The following MECOM variants were observed in gnomAD, a reference collection of about 807,000 sequenced individuals.
The protein encoded by MECOM is histone-lysine N-methyltransferase MECOM.
In MECOM, 13 loss-of-function variants were observed where a neutral mutation model predicts 116.3. That is an observed-to-expected ratio of 0.11 (90% confidence interval 0.07 to 0.18). The LOEUF (loss-of-function observed/expected upper bound fraction) is 0.18, where lower values mean the gene tolerates loss of function less well. Ranked by LOEUF, MECOM falls within the 10% of genes least tolerant of loss-of-function variation. The pLI is 1.00. For synonymous variants in MECOM, 528 were observed against 535.2 expected, an observed-to-expected ratio of 0.99 and a Z score of 0.19; for missense variants, 1,299 against 1,509.0, an observed-to-expected ratio of 0.86 and a Z score of 2.31.
chr3:169,616,275 T>A (rs1220809238), intron 1 of MECOM, among the ~76,000 whole-genome samples: 1 of 152,106 alleles, frequency 6.6e-6, no homozygotes. Flanking sequence ...CTCACGAAGT[T>A]TGGGGAAGAA....
intron 1 of MECOM, among the ~76,000 whole-genome samples, chr3:169,659,461 T>A (rs1775978389): frequency 7.7e-6 from 1 of 129,794 alleles, no homozygotes; most frequent in African/African-American, 3.0e-5. Flanking sequence ...TTTTTTTTTT[T>A]TTTTTTTTTT....
intron 2 of MECOM, among the ~76,000 whole-genome samples, chr3:169,234,736 C>A (rs1753827310): frequency 6.6e-6 from 1 of 152,182 alleles, no homozygotes; most frequent in Non-Finnish European, 1.5e-5. Flanking sequence ...TGTCAACCTG[C>A]TCACCATATG....
At chr3:169,591,899 G>A (rs1189712342) in intron 1 of MECOM, among the ~76,000 whole-genome samples, 1 of 151,928 alleles carries the variant, frequency 6.6e-6, no homozygotes, top group African/African-American at 2.4e-5. Flanking sequence ...GTACAGTATA[G>A]AGAATAATTT....
At chr3:169,647,315 A>T (rs555655634) in intron 1 of MECOM, among the ~76,000 whole-genome samples, 1 of 152,328 alleles carries the variant, frequency 6.6e-6, no homozygotes, top group South Asian at 2.1e-4. Flanking sequence ...TAGAGATGTG[A>T]GGATTAACTG....
intron 1 of MECOM, among the ~76,000 whole-genome samples, chr3:169,511,895 C>A (rs529562882): frequency 6.6e-6 from 1 of 152,150 alleles, no homozygotes; most frequent in Non-Finnish European, 1.5e-5. Flanking sequence ...AACTAAATAA[C>A]TTAGATTCTT....
At chr3:169,530,678 C>T (rs547076921) in intron 1 of MECOM, among the ~76,000 whole-genome samples, 2 of 152,142 alleles carry the variant, frequency 1.3e-5, no homozygotes, top group East Asian at 3.9e-4. Flanking sequence ...TGTTTCAATC[C>T]CAGTTCTGCT....
rs566229527 is a variant in MECOM, at chr3:169,577,285, T to C, written c.37+86051A>G. On this transcript the variant is annotated intron_variant, in intron 1 of 16. Transcript: ENST00000651503. ...CTGTTATGTCATCAGAGTCCTGGCA[T>C]TGAGAAGCAGATAATATGTTTTGAG... Among the ~76,000 whole-genome samples the C allele has an allele frequency of 8.5e-5, 13 of 152,326 alleles. No homozygotes were observed. In the East Asian group the frequency reaches 2.3e-3, roughly 27 times the overall value.
chr3:169,309,916 G>A (rs1269626384), intron 2 of MECOM, among the ~76,000 whole-genome samples: 1 of 152,206 alleles, frequency 6.6e-6, no homozygotes, highest in African/African-American at 2.4e-5. Flanking sequence ...AAGTGCCTTA[G>A]AAGCAGCTAT....
chr3:169,430,516 A>T (rs1247488941), intron 1 of MECOM, among the ~76,000 whole-genome samples: 1 of 152,206 alleles, frequency 6.6e-6, no homozygotes, highest in Non-Finnish European at 1.5e-5. Flanking sequence ...GTGGTAACAG[A>T]TAAAACAATT....
At chr3:169,285,333 G>A (rs1713063208) in intron 2 of MECOM, among the ~76,000 whole-genome samples, 1 of 152,112 alleles carries the variant, frequency 6.6e-6, no homozygotes, top group Admixed American at 6.5e-5. Context: ...ATTTCTCAGA[G>A]CCCTAATCCC....
chr3:169,439,146 TA>T (rs200968948), intron 1 of MECOM, among the ~76,000 whole-genome samples: 1,494 of 146,870 alleles, frequency 0.01, 30 homozygotes, highest in African/African-American at 0.036. Flanking sequence ...ATATAGTTAA[TA>T]TATTATTAAC....
At chr3:169,252,283 C>T (rs1756339544) in intron 2 of MECOM, among the ~76,000 whole-genome samples, 1 of 151,894 alleles carries the variant, frequency 6.6e-6, no homozygotes, top group Non-Finnish European at 1.5e-5. Context: ...AAATTCTTCA[C>T]AAAATGAGCT....
At chr3:169,215,675 A>G (rs1751338077) in intron 2 of MECOM, among the ~76,000 whole-genome samples, 1 of 152,210 alleles carries the variant, frequency 6.6e-6, no homozygotes, top group South Asian at 2.1e-4. Flanking sequence ...CACCCCTTCC[A>G]GAACCATTTT....
rs1759621083 is a variant in MECOM, at chr3:169,538,220, A to C, written c.37+125116T>G. On this transcript the variant is annotated intron_variant, in intron 1 of 16. Coordinates refer to ENST00000651503, the MANE Select transcript of MECOM (RefSeq NM_004991.4). ...CTCCAGTCAAATAAAACTTCAGATA[A>C]AATCTCTTACTGCCGAATTTCTTTC... is the stretch of plus-strand genomic sequence containing the variant. Among the ~76,000 whole-genome samples, 5 of 152,316 alleles carry C rather than the reference A, an allele frequency of 3.3e-5. No homozygotes were observed. The South Asian group carries it at 1.0e-3, about 32-fold the overall frequency.
At chr3:169,153,537 T>C (rs1741483138) in intron 2 of MECOM, among the ~76,000 whole-genome samples, 1 of 152,238 alleles carries the variant, frequency 6.6e-6, no homozygotes, top group Admixed American at 6.5e-5. Flanking sequence ...TCATTTTTCA[T>C]TATTTTATTA....
At chr3:169,630,779 C>G (rs1771990133) in intron 1 of MECOM, among the ~76,000 whole-genome samples, 1 of 152,188 alleles carries the variant, frequency 6.6e-6, no homozygotes, top group African/African-American at 2.4e-5. Flanking sequence ...AGAACAGCAG[C>G]ATTTTGAATC....
intron 2 of MECOM, among the ~76,000 whole-genome samples, chr3:169,341,841 T>G (rs995809485): frequency 6.6e-6 from 1 of 151,576 alleles, no homozygotes; most frequent in Non-Finnish European, 1.5e-5. Context: ...AATAAAAGAG[T>G]GTAATTGGAT....
intron 1 of MECOM, among the ~76,000 whole-genome samples, chr3:169,405,950 A>G (rs1736629129): frequency 6.6e-6 from 1 of 152,218 alleles, no homozygotes; most frequent in South Asian, 2.1e-4. Flanking sequence ...ATGCCAACAG[A>G]CTTCATCAAA....
chr3:169,650,417 G>T (rs1774740299), intron 1 of MECOM, among the ~76,000 whole-genome samples: 3 of 152,052 alleles, frequency 2.0e-5, no homozygotes, highest in Non-Finnish European at 4.4e-5. Context: ...CAACAAAAAA[G>T]CCTTGAGGCC....
Sources: gnomAD v4.1 joint callset for allele counts (sites outside exome capture counted in the v4.1 genomes callset) on GRCh38, gnomAD v4.1.1 for gene constraint, MANE v1.5 for transcripts, NCBI Gene and HGNC (gene_info 2026-07-23, HGNC 2026-07-21) for gene names.